The following SLC2A9 variants were observed in gnomAD, a reference collection of about 807,000 sequenced individuals.
SLC2A9 encodes solute carrier family 2, facilitated glucose transporter member 9.
A neutral mutation model predicts 50.6 loss-of-function variants in SLC2A9; 39 were observed. The observed-to-expected ratio is 0.77, with a 90% CI of 0.60 to 1.01. SLC2A9 has a LOEUF of 1.01. Ranked by LOEUF, SLC2A9 falls within the 50% of genes least tolerant of loss-of-function variation. SLC2A9 has a pLI of 0.00. For synonymous variants in SLC2A9, 324 were observed against 276.9 expected (o/e 1.17, Z -1.69); for missense variants, 686 against 677.6 (o/e 1.01, Z -0.14).
chr4:9,777,127 C>A (rs1211547105), downstream of SLC2A9, among the ~76,000 whole-genome samples: 3 of 151,990 alleles, frequency 2.0e-5, no homozygotes, highest in African/African-American at 7.3e-5. Context: ...GTTTATTTCT[C>A]TCTCCTCAAT....
chr4:9,782,986 C>A (rs775320459), intron 3 of SLC2A9: 7 of 1,614,108 alleles, frequency 4.3e-6, no homozygotes, highest in East Asian at 2.2e-5. Flanking sequence ...ACTGCATGGT[C>A]CCTTTCTGCA....
chr4:10,028,072 C>G (rs1293013383), intron 1 of SLC2A9, among the ~76,000 whole-genome samples: 4 of 152,114 alleles, frequency 2.6e-5, no homozygotes, highest in African/African-American at 9.7e-5. Flanking sequence ...CTGCCTGGGC[C>G]CCTCCAGGAG....
intron 8 of SLC2A9, among the ~76,000 whole-genome samples, chr4:9,902,042 G>A (rs2047866709): frequency 6.6e-6 from 1 of 152,134 alleles, no homozygotes; most frequent in Non-Finnish European, 1.5e-5. Flanking sequence ...AGCTGCTCAG[G>A]TTCACTGTGT....
intron 11 of SLC2A9, among the ~76,000 whole-genome samples, chr4:9,830,727 C>T (rs977928335): frequency 6.6e-6 from 1 of 152,178 alleles, no homozygotes; most frequent in Admixed American, 6.5e-5. Context: ...TTCTCTGAAT[C>T]GGAAAATATT....
chr4:9,846,972 C>T (rs1380783974), intron 10 of SLC2A9, among the ~76,000 whole-genome samples: 1 of 152,126 alleles, frequency 6.6e-6, no homozygotes, highest in Non-Finnish European at 1.5e-5. Flanking sequence ...TTTAAATTCC[C>T]ACCTCTCCAC....
At chr4:9,847,981 C>T (rs1399744124) in intron 10 of SLC2A9, among the ~76,000 whole-genome samples, 3 of 152,076 alleles carry the variant, frequency 2.0e-5, no homozygotes, top group South Asian at 2.1e-4. Flanking sequence ...ATCTTAGGGA[C>T]CCCCTAGGCC....
intron 3 of SLC2A9, among the ~76,000 whole-genome samples, chr4:9,813,739 TCTAGCACAGA>T (rs1490808539): frequency 6.6e-6 from 1 of 152,098 alleles, no homozygotes; most frequent in Non-Finnish European, 1.5e-5. Context: ...AAGGAAAGAA[TCTAGCACAGA>T]CTGGGGAGTC....
chr4:9,941,474 C>A (rs1375020339), intron 6 of SLC2A9, among the ~76,000 whole-genome samples: 2 of 152,184 alleles, frequency 1.3e-5, no homozygotes, highest in Non-Finnish European at 2.9e-5. Flanking sequence ...TCACTCTGTG[C>A]TTGCATCTTT....
At chr4:9,818,553 G>A (rs907135778) in intron 3 of SLC2A9, among the ~76,000 whole-genome samples, 2 of 152,228 alleles carry the variant, frequency 1.3e-5, no homozygotes, top group Admixed American at 1.3e-4. Context: ...ATTACTGAGA[G>A]AACTTTGGTT....
At chr4:9,983,524 G>A (rs1756229728) in intron 4 of SLC2A9, among the ~76,000 whole-genome samples, 1 of 152,148 alleles carries the variant, frequency 6.6e-6, no homozygotes, top group South Asian at 2.1e-4. Flanking sequence ...CCCACTGACA[G>A]CCCGTGAGAC....
downstream of SLC2A9, among the ~76,000 whole-genome samples, chr4:9,777,335 C>A (rs1212393998): frequency 6.6e-6 from 1 of 151,176 alleles, no homozygotes; most frequent in Non-Finnish European, 1.5e-5. Context: ...CCCTCTGTTA[C>A]CGAGGCTGGA....
At chr4:9,783,709 G>C in intron 3 of SLC2A9, 1 of 506,408 alleles carries the variant, frequency 2.0e-6, no homozygotes, top group African/African-American at 1.9e-5. Flanking sequence ...TATGAGAGAA[G>C]AGAGTATGGT....
downstream of SLC2A9, among the ~76,000 whole-genome samples, chr4:9,822,342 AAT>A (rs1724520132): frequency 6.6e-6 from 1 of 151,490 alleles, no homozygotes; most frequent in Admixed American, 6.6e-5. Flanking sequence ...TTGCTTTTTG[AAT>A]AGTTTGCTTT....
chr4:9,916,948 G>A (rs914630555), intron 7 of SLC2A9, among the ~76,000 whole-genome samples: 4 of 152,206 alleles, frequency 2.6e-5, no homozygotes, highest in Admixed American at 6.5e-5. Context: ...GGGTTGATAA[G>A]ATGCAGCCTC....
chr4:9,815,844 T>G (rs750507566), intron 3 of SLC2A9, among the ~76,000 whole-genome samples: 22 of 152,152 alleles, frequency 1.4e-4, no homozygotes, highest in Non-Finnish European at 2.6e-4. Flanking sequence ...GTTTGAATCA[T>G]GTAAAATAAA....
chr4:9,946,410 C>A (rs930734069), intron 5 of SLC2A9, among the ~76,000 whole-genome samples: 1 of 152,046 alleles, frequency 6.6e-6, no homozygotes, highest in African/African-American at 2.4e-5. Context: ...TTACTCTTAC[C>A]CCAAGTCAAG....
chr4:9,963,185 C>G (rs1037296759), intron 5 of SLC2A9, among the ~76,000 whole-genome samples: 6 of 152,192 alleles, frequency 3.9e-5, no homozygotes, highest in African/African-American at 1.4e-4. Flanking sequence ...GCTCCCATTT[C>G]TAAAACCATC....
At chr4:9,889,360 T>C (rs1171063817) in intron 9 of SLC2A9, among the ~76,000 whole-genome samples, 1 of 152,170 alleles carries the variant, frequency 6.6e-6, no homozygotes, top group East Asian at 1.9e-4. Context: ...CCTTGTGAAA[T>C]GAGGCTTAGA....
chr4:9,885,436 TG>T (rs1736022479), intron 10 of SLC2A9, among the ~76,000 whole-genome samples: 1 of 152,224 alleles, frequency 6.6e-6, no homozygotes. Flanking sequence ...AAGCCCCAGC[TG>T]CCTCTTCCCT....
Sources: gnomAD v4.1 joint callset for allele counts (sites outside exome capture counted in the v4.1 genomes callset) on GRCh38, gnomAD v4.1.1 for gene constraint, MANE v1.5 for transcripts, NCBI Gene and HGNC (gene_info 2026-07-23, HGNC 2026-07-21) for gene names.